Variants in ZCWPW2 observed in about 807,000 individuals in gnomAD.
The protein encoded by ZCWPW2 is zinc finger CW-type PWWP domain protein 2.
A neutral mutation model predicts 46.6 loss-of-function variants in ZCWPW2; 45 were observed. The ratio of observed to expected loss-of-function variants is 0.96; its 90% CI spans 0.76 to 1.24. The LOEUF (loss-of-function observed/expected upper bound fraction) is 1.24. Among genes scored for constraint, ZCWPW2 ranks in the 50% most tolerant of loss-of-function variants. The pLI is 0.00. For synonymous variants in ZCWPW2, 152 were observed against 137.1 expected, an observed-to-expected ratio of 1.11 and a Z score of -0.76; for missense variants, 429 against 403.9, an observed-to-expected ratio of 1.06 and a Z score of -0.53.
At chr3:28,453,015 C>A (rs1281849567) in intron 4 of ZCWPW2, among the ~76,000 whole-genome samples, 1 of 152,150 alleles carries the variant, frequency 6.6e-6, no homozygotes, top group African/African-American at 2.4e-5. Context: ...GCAATGTTTT[C>A]ATAGTTTAGC....
intron 4 of ZCWPW2, among the ~76,000 whole-genome samples, chr3:28,451,767 G>A (rs1465437608): frequency 2.0e-5 from 3 of 152,154 alleles, no homozygotes; most frequent in African/African-American, 7.2e-5. Flanking sequence ...TCATCTGGCA[G>A]CATTTTGCCA....
intron 2 of ZCWPW2, among the ~76,000 whole-genome samples, chr3:28,402,227 G>T (rs1278870227): frequency 6.6e-6 from 1 of 152,020 alleles, no homozygotes; most frequent in Non-Finnish European, 1.5e-5. Flanking sequence ...AGCTCAATAT[G>T]AAATGACATG....
chr3:28,413,105 T>C lies in ZCWPW2; in HGVS notation c.37T>C (p.Cys13Arg). 6.2e-7 allele frequency: 1 copy of C among 1,612,388 alleles called. No homozygotes were observed. Among genetic ancestry groups the C allele is most frequent in the Non-Finnish European group, 8.5e-7 (1 of 1,179,076 alleles). ...AAAATTGGATGTTAAGATTGAATAT[T>C]GTAACTATGCAATGGATTCCTCAGT... is the stretch of plus-strand genomic sequence containing the variant. ...KEKLDVKIEY[C>R]NYAMDSSVEN... The change falls in exon 3 of 10, where the codon TGT becomes CGT. Residue 13 changes from cysteine (C) to arginine (R), a missense_variant. Cys to Arg is a radical substitution (Grantham distance 180, BLOSUM62 -3). Coordinates refer to ENST00000383768, the MANE Select transcript of ZCWPW2 (RefSeq NM_001040432.4).
chr3:28,379,615 T>C (rs2125708424), intron 1 of ZCWPW2, among the ~76,000 whole-genome samples: 1 of 149,466 alleles, frequency 6.7e-6, no homozygotes, highest in East Asian at 2.0e-4. Flanking sequence ...TTCCAAAACA[T>C]TTTTTTTTTA....
rs969674013 is a variant in ZCWPW2, at chr3:28,459,179, G to C, written c.493-19635G>C. 2.6e-5 allele frequency among the ~76,000 whole-genome samples: 4 copies of C among 151,972 alleles called. No homozygotes were observed. In the South Asian group the frequency reaches 8.3e-4, roughly 31 times the overall value. On this transcript the variant is annotated intron_variant, in intron 4 of 9. Transcript: ENST00000383768. ...AGGTCAGGAGATTGAGACCATCCTG[G>C]CTAACACGGTGAAACCCTGTCTCCA...
At position 28,390,519 on chromosome 3, in the gene ZCWPW2, G is replaced by C. The variant is rs567135315; in HGVS notation, c.-112G>C. 100 of 985,322 alleles carry C rather than the reference G, an allele frequency of 1.0e-4. No individual in the cohort carries two copies. The African/African-American group carries it at 1.7e-3, about 17-fold the overall frequency. The allele number at this position is 985,322 out of a possible 1,614,324, so 61.0% of individuals were successfully genotyped here. ...TCAGATTCATCCCAGTAGAACGCCT[G>C]CCTCTTTAGTGACTACAGACCTCAC... On this transcript the variant is annotated 5_prime_UTR_variant, in exon 2 of 10. Coordinates refer to ENST00000383768, the MANE Select transcript of ZCWPW2 (RefSeq NM_001040432.4).
At chr3:28,453,112 T>A (rs935574125) in intron 4 of ZCWPW2, among the ~76,000 whole-genome samples, 1 of 152,196 alleles carries the variant, frequency 6.6e-6, no homozygotes, top group Admixed American at 6.5e-5. Context: ...ATAAGCCCAA[T>A]ATCAGCAGTG....
At position 28,524,343 on chromosome 3, in the gene ZCWPW2, TAAC is replaced by T. The variant is rs575383090; in HGVS notation, c.910-183_910-181del. ...GGGGAATAGACACAGACCTAAATAA[TAAC>T]TTTTTCTTATATTAACACATTCATC... On this transcript the variant is annotated intron_variant, in intron 9 of 9. Coordinates refer to ENST00000383768, the MANE Select transcript of ZCWPW2 (RefSeq NM_001040432.4). Among the ~76,000 whole-genome samples, 9 of 152,186 alleles carry T rather than the reference TAAC, an allele frequency of 5.9e-5. No homozygotes were observed. The South Asian group carries it at 1.7e-3, about 28-fold the overall frequency.
At chr3:28,518,135 C>CAAAAAA (rs35463839) in intron 8 of ZCWPW2, among the ~76,000 whole-genome samples, 1 of 76,002 alleles carries the variant, frequency 1.3e-5, no homozygotes, top group Admixed American at 1.8e-4. Flanking sequence ...GACTCCGTCT[C>CAAAAAA]AAAAAAAAAA....
At chr3:28,456,267 C>G (rs999094082) in intron 4 of ZCWPW2, among the ~76,000 whole-genome samples, 1 of 151,934 alleles carries the variant, frequency 6.6e-6, no homozygotes, top group African/African-American at 2.4e-5. Context: ...AATTCATTTG[C>G]GATTTTGCTC....
intron 1 of ZCWPW2, among the ~76,000 whole-genome samples, chr3:28,357,824 C>CATATATATATATATATATAT (rs1315028127): frequency 7.4e-6 from 1 of 135,206 alleles, no homozygotes; most frequent in African/African-American, 3.1e-5. Context: ...TATATATCTC[C>CATATATATATATATATATAT]ATACATATAT....
intron 3 of ZCWPW2, among the ~76,000 whole-genome samples, chr3:28,420,912 A>G (rs748968112): frequency 6.6e-6 from 1 of 152,066 alleles, no homozygotes; most frequent in Non-Finnish European, 1.5e-5. Context: ...TCTCTGTTAT[A>G]TTCATGCTGT....
At chr3:28,444,283 C>T (rs1697894860) in intron 4 of ZCWPW2, among the ~76,000 whole-genome samples, 1 of 152,138 alleles carries the variant, frequency 6.6e-6, no homozygotes, top group Non-Finnish European at 1.5e-5. Flanking sequence ...TCTACCAGGA[C>T]TTTAGTCTAG....
At chr3:28,449,081 C>T (rs1698123863) in intron 4 of ZCWPW2, among the ~76,000 whole-genome samples, 1 of 152,084 alleles carries the variant, frequency 6.6e-6, no homozygotes. Flanking sequence ...GAAATAAATT[C>T]TCACGTAAAT....
intron 6 of ZCWPW2, among the ~76,000 whole-genome samples, chr3:28,504,876 A>G (rs1700236540): frequency 6.6e-6 from 1 of 152,186 alleles, no homozygotes; most frequent in African/African-American, 2.4e-5. Flanking sequence ...AGTCCTTAGT[A>G]TTCTTAAACT....
intron 4 of ZCWPW2, among the ~76,000 whole-genome samples, chr3:28,444,049 C>A (rs1697882717): frequency 6.6e-6 from 1 of 151,994 alleles, no homozygotes; most frequent in Non-Finnish European, 1.5e-5. Context: ...TTTTTAACTC[C>A]CCAAGCTGCA....
chr3:28,389,243 T>C (rs749360718), intron 1 of ZCWPW2, among the ~76,000 whole-genome samples: 1 of 152,190 alleles, frequency 6.6e-6, no homozygotes, highest in Non-Finnish European at 1.5e-5. Flanking sequence ...ATACAAGATA[T>C]AAGGGTCCCC....
At position 28,357,759 on chromosome 3, in the gene ZCWPW2, G is replaced by C. The variant is rs567655755; in HGVS notation, c.-134+8556G>C. Among the ~76,000 whole-genome samples, 49 of 147,888 alleles carry C rather than the reference G, an allele frequency of 3.3e-4. 1 individual carries two copies. In the South Asian group the frequency reaches 4.5e-3, roughly 13 times the overall value. On this transcript the variant is annotated intron_variant, in intron 1 of 9. Coordinates refer to ENST00000383768, the MANE Select transcript of ZCWPW2 (RefSeq NM_001040432.4). ...GGAGTTTACCTCCATAATTGCATAG[G>C]CCAATTATATATACATATAATATAT...
intron 1 of ZCWPW2, among the ~76,000 whole-genome samples, chr3:28,378,464 A>G (rs1705569205): frequency 6.6e-6 from 1 of 152,098 alleles, no homozygotes; most frequent in Non-Finnish European, 1.5e-5. Context: ...TGTGTCCCAG[A>G]TACTGAAATG....
Sources: allele counts gnomAD v4.1 joint callset (sites outside exome capture counted in the v4.1 genomes callset), GRCh38; gene constraint gnomAD v4.1.1; transcripts MANE v1.5; gene names NCBI Gene and HGNC (gene_info 2026-07-23, HGNC 2026-07-21).